Variants in MTMR4 observed in about 807,000 individuals in gnomAD.
MTMR4 encodes the protein phosphatidylinositol-3,5-bisphosphate 3-phosphatase MTMR4.
In MTMR4, 30 loss-of-function variants were observed where a neutral mutation model predicts 125.5. The ratio of observed to expected loss-of-function variants is 0.24; its 90% CI spans 0.18 to 0.32. The LOEUF (loss-of-function observed/expected upper bound fraction) is 0.32. Ranked by LOEUF, MTMR4 falls within the 10% of genes least tolerant of loss-of-function variation. MTMR4 has a pLI of 1.00. For missense variants in MTMR4, 1,039 were observed against 1,511.5 expected (o/e 0.69, Z 5.18); for synonymous variants, 498 against 564.5 (o/e 0.88, Z 1.67).
intron 15 of MTMR4, among the ~76,000 whole-genome samples, chr17:58,493,270 C>A (rs1246260599): frequency 6.6e-6 from 1 of 152,278 alleles, no homozygotes; most frequent in East Asian, 1.9e-4. Flanking sequence ...GCCCACAGGC[C>A]AAACTAGCCC....
chr17:58,491,030 C>T lies in MTMR4; in HGVS notation c.*633G>A, dbSNP rs912434887. 5.2e-5 allele frequency: 8 copies of T among 152,638 alleles called. No homozygotes were observed. Among genetic ancestry groups the T allele is most frequent in the African/African-American group, 1.9e-4 (8 of 41,432 alleles). The allele number at this position is 152,638 out of a possible 1,614,324, so 9.5% of individuals were successfully genotyped here. Reference sequence around the variant, plus strand: ...TGTCTCACTCCCTAGAACTGTTCCCCTAAACTGAATATTCACCAATGCTGG... The same window carrying T: ...TGTCTCACTCCCTAGAACTGTTCCCTTAAACTGAATATTCACCAATGCTGG... On this transcript the variant is annotated 3_prime_UTR_variant, in exon 18 of 18. Coordinates refer to ENST00000682306, the MANE Select transcript of MTMR4 (RefSeq NM_001378067.1).
In MTMR4 at chr17:58,507,159, T is replaced by C. The variant is rs772734478; in HGVS notation, c.868A>G (p.Asn290Asp). The C allele has an allele frequency of 1.2e-6, 2 of 1,614,150 alleles. No homozygotes were observed. Among genetic ancestry groups the C allele is most frequent in the Non-Finnish European group, 1.7e-6 (2 of 1,180,014 alleles). Residue 290 changes from asparagine (N) to aspartate (D), a missense_variant, in exon 8 of 18, where the codon AAT becomes GAT. By Grantham distance (23) the Asn-to-Asp change is conservative. This residue lies in a region of MTMR4 where 49 missense variants were observed against 68.4 expected (regional missense o/e 0.72). Transcript: ENST00000682306. ...RATGGSLSTG[N>D]NDTSEACDAD... Reference sequence around the variant, plus strand: ...TCACACGCCTCGCTGGTATCATTATTCCCGGTGCTGAGGGAGCCCCCAGTG... The same window carrying C: ...TCACACGCCTCGCTGGTATCATTATCCCCGGTGCTGAGGGAGCCCCCAGTG...
rs539051675 is a variant in MTMR4, at chr17:58,490,405, AAAAAACAAAAAC to A, written c.*1246_*1257del. On this transcript the variant is annotated 3_prime_UTR_variant, in exon 18 of 18. Transcript: ENST00000682306. ...TGCCACTGGTACATATTAAGATGAA[AAAAAACAAAAAC>A]AAAAACAAAAAAACAAAATAAAATT... The A allele has an allele frequency of 6.5e-6, 1 of 152,672 alleles. No homozygotes were observed. Among genetic ancestry groups the A allele is most frequent in the Non-Finnish European group, 1.5e-5 (1 of 68,056 alleles). The allele number at this position is 152,672 out of a possible 1,614,324, so 9.5% of individuals were successfully genotyped here. A position where few individuals can be genotyped will look rare whatever the true frequency, so the allele number is the denominator to read the frequency against.
At chr17:58,502,157 A>AT (rs10706856) in intron 14 of MTMR4, among the ~76,000 whole-genome samples, 50 of 118,718 alleles carry the variant, frequency 4.2e-4, no homozygotes, top group Non-Finnish European at 5.0e-4. Flanking sequence ...GTATTTTACA[A>AT]TTTTTTTTTT....
At chr17:58,502,075 CA>C (rs537798994) in intron 14 of MTMR4, among the ~76,000 whole-genome samples, 11 of 134,942 alleles carry the variant, frequency 8.2e-5, no homozygotes, top group Admixed American at 2.9e-4. Context: ...AAAAACAAAA[CA>C]AAAAAAAAAC....
chr17:58,512,894 C>T lies in MTMR4; in HGVS notation c.93G>A (p.Leu31=). ...PSLEYIQAKD[L]FPPKELVKEE... Reference sequence around the variant, plus strand: ...CCTTCACTAGTTCCTTGGGGGGGAACAGATCCTTGGCTTGGATGTACTCCA... The same window carrying T: ...CCTTCACTAGTTCCTTGGGGGGGAATAGATCCTTGGCTTGGATGTACTCCA... Residue 31 remains leucine (L), a synonymous_variant, in exon 2 of 18, where the codon CTG becomes CTA. Coordinates refer to ENST00000682306, the MANE Select transcript of MTMR4 (RefSeq NM_001378067.1). The surrounding 1 kb of genome is among the most constrained non-coding windows in gnomAD (Gnocchi z 4.1). 6.2e-7 allele frequency: 1 copy of T among 1,612,106 alleles called. No homozygotes were observed. The highest frequency in any genetic ancestry group is 1.1e-5 in the South Asian group (1 of 90,924).
chr17:58,506,351 C>A (rs531021701), intron 9 of MTMR4, among the ~76,000 whole-genome samples: 1 of 152,200 alleles, frequency 6.6e-6, no homozygotes, highest in African/African-American at 2.4e-5. Flanking sequence ...TCATGCCCAG[C>A]TAATGGTTTG....
chr17:58,515,536 C>T (rs142609203), upstream of MTMR4, among the ~76,000 whole-genome samples: 1,854 of 152,258 alleles, frequency 0.012, 30 homozygotes, highest in Non-Finnish European at 0.014. Flanking sequence ...ACTTTTCAAG[C>T]CCCAAGAAGT....
Position 58,504,634 on chromosome 17 carries a change from C to T in MTMR4, c.1341+145G>A. 1 of 1,354,088 alleles carries T rather than the reference C, an allele frequency of 7.4e-7. No individual in the cohort carries two copies. The highest frequency in any genetic ancestry group is 1.0e-6 in the Non-Finnish European group (1 of 994,366). 83.9% of individuals were successfully genotyped at this position (1,354,088 alleles called of 1,614,324 possible). On this transcript the variant is annotated intron_variant, in intron 11 of 17. Coordinates refer to ENST00000682306, the MANE Select transcript of MTMR4 (RefSeq NM_001378067.1). The surrounding 1 kb of genome is among the most constrained non-coding windows in gnomAD (Gnocchi z 7.1). ...AAGAGGACTCAAAGCCACCAATTTT[C>T]CAAGCCTTTGGGAGTTGGAAAAAAA...
Position 58,514,464 on chromosome 17 carries a change from AGCCCCGGGCGCCCGCCGCATCCCG to A in MTMR4, c.-81_-58del. 1 of 984,792 alleles carries A rather than the reference AGCCCCGGGCGCCCGCCGCATCCCG, an allele frequency of 1.0e-6. No homozygotes were observed. The highest frequency in any genetic ancestry group is 1.2e-6 in the Non-Finnish European group (1 of 829,660). The allele number at this position is 984,792 out of a possible 1,614,324, so 61.0% of individuals were successfully genotyped here. On this transcript the variant is annotated 5_prime_UTR_variant, in exon 1 of 18. An upstream start codon of the reference 5' UTR is lost. Coordinates refer to ENST00000682306, the MANE Select transcript of MTMR4 (RefSeq NM_001378067.1). ...CCCCGGAGCCGCTGCGCTGCCCGCCAGCCCCGGGCGCCCGCCGCATCCCGGCTGCGGGGCTCGCCAGGTGCAGCC... is the reference window on the plus strand; with the variant it reads ...CCCCGGAGCCGCTGCGCTGCCCGCCAGCTGCGGGGCTCGCCAGGTGCAGCC...
At chr17:58,500,995 G>A (rs940448220) in intron 14 of MTMR4, among the ~76,000 whole-genome samples, 1 of 151,922 alleles carries the variant, frequency 6.6e-6, no homozygotes, top group East Asian at 1.9e-4. Context: ...TTGATTAAAA[G>A]TTATGGCCCC....
Position 58,495,141 on chromosome 17 carries a change from G to A in MTMR4, c.3043C>T (p.Pro1015Ser), listed in dbSNP as rs375510977. Residue 1015 changes from proline to serine, a missense_variant, in exon 15 of 18, where the codon CCT becomes TCT. Transcript: ENST00000682306. ...SSTKPVPLNCPSPVPPLYLDD... is the reference protein window; with the variant it reads ...SSTKPVPLNCSSPVPPLYLDD... The stretch of plus-strand genomic sequence containing the variant: ...AAATACAGAGGAGGCACTGGAGAAG[G>A]GCAGTTCAGTGGAACGGGCTTTGTG... 1.9e-6 allele frequency: 3 copies of A among 1,614,114 alleles called. No homozygotes were observed. The highest frequency in any genetic ancestry group is 1.7e-6 in the Non-Finnish European group (2 of 1,180,048).
Position 58,512,374 on chromosome 17 carries a change from C to A in MTMR4, c.252+16G>T, listed in dbSNP as rs376530367. The A allele has an allele frequency of 1.9e-6, 3 of 1,580,426 alleles. No homozygotes were observed. The highest frequency in any genetic ancestry group is 2.6e-6 in the Non-Finnish European group (3 of 1,149,340). ...GGATTCTAGCTTAGGGGTAGGAGAA[C>A]AATACAGAAACTCACGTTGATGACA... is the stretch of plus-strand genomic sequence containing the variant. On this transcript the variant is annotated intron_variant, in intron 3 of 17. Transcript: ENST00000682306. The surrounding 1 kb of genome is among the most constrained non-coding windows in gnomAD (Gnocchi z 4.1).
intron 7 of MTMR4, 133 bp from the exon 8 acceptor site, chr17:58,507,452 C>A: frequency 2.9e-6 from 2 of 690,376 alleles, no homozygotes; most frequent in Non-Finnish European, 4.8e-6. Context: ...CAACCAAAAG[C>A]CCCAACGTCA....
intron 15 of MTMR4, among the ~76,000 whole-genome samples, chr17:58,494,110 C>G (rs867563448): frequency 1.3e-5 from 2 of 151,634 alleles, no homozygotes; most frequent in African/African-American, 4.8e-5. Flanking sequence ...GTCAGGGGAT[C>G]GAGACCATCC....
In MTMR4 at chr17:58,503,915, A is replaced by G. The variant is rs1336281538; in HGVS notation, c.1699-17T>C. 6.2e-7 allele frequency: 1 copy of G among 1,605,854 alleles called. No homozygotes were observed. Among genetic ancestry groups the G allele is most frequent in the Non-Finnish European group, 8.5e-7 (1 of 1,175,638 alleles). Reference sequence around the variant, plus strand: ...ATGCAGGACCTAGGGAAGCAGCCCAATACTAGTGCTTTGTCAAGAGTTCCT... The same window carrying G: ...ATGCAGGACCTAGGGAAGCAGCCCAGTACTAGTGCTTTGTCAAGAGTTCCT... On this transcript the variant is annotated splice_polypyrimidine_tract_variant and intron_variant, in intron 13 of 17. Transcript: ENST00000682306.
rs1205503883 is a variant in MTMR4 at position 58,511,432 on chromosome 17, A to G, written c.332T>C (p.Val111Ala). Reference sequence around the variant, plus strand: ...AGTGAGGCTCCGTTGTTCTCACCTCACCACTTTGGAGTCCTTGCAGGAAAT... The same window carrying G: ...AGTGAGGCTCCGTTGTTCTCACCTCGCCACTTTGGAGTCCTTGCAGGAAAT... ...LHISCKDSKV[V>A]RCHFSTFKQC... Residue 111 changes from valine (V) to alanine (A), a missense_variant, in exon 4 of 18, where the codon GTG becomes GCG. This residue lies in a region of MTMR4 where 202 missense variants were observed against 311.9 expected (regional missense o/e 0.65). Coordinates refer to ENST00000682306, the MANE Select transcript of MTMR4 (RefSeq NM_001378067.1). The G allele has an allele frequency of 1.2e-5, 20 of 1,611,102 alleles. No individual in the cohort carries two copies. Among genetic ancestry groups the G allele is most frequent in the Admixed American group, 1.7e-5 (1 of 59,490 alleles).
chr17:58,492,949 A>G lies in MTMR4; in HGVS notation c.3256T>C (p.Cys1086Arg). Residue 1086 changes from cysteine to arginine, a missense_variant, in exon 16 of 18, where the codon TGT (cysteine) becomes CGT (arginine). Around this residue, in one of 6 missense-constraint regions of MTMR4, gnomAD observed 619 missense variants for 714.5 expected, o/e 0.87. Transcript: ENST00000682306. Reference protein sequence around the residue: ...PPMDYEDDFTCLKESDGSDTE... With the variant: ...PPMDYEDDFTRLKESDGSDTE... Reference sequence around the variant, plus strand: ...TCACTGCCATCTGACTCCTTCAAACATGTCTGATGAAAAGGCAAAGACAAC... The same window carrying G: ...TCACTGCCATCTGACTCCTTCAAACGTGTCTGATGAAAAGGCAAAGACAAC... 6.2e-7 allele frequency: 1 copy of G among 1,613,502 alleles called. No homozygotes were observed. The highest frequency in any genetic ancestry group is 1.1e-5 in the South Asian group (1 of 91,072).
upstream of MTMR4, among the ~76,000 whole-genome samples, chr17:58,515,681 G>T (rs1057476392): frequency 1.3e-5 from 2 of 152,186 alleles, no homozygotes; most frequent in Admixed American, 1.3e-4. Context: ...TAGCCCAGAA[G>T]AGAAAAAGAG....
Sources: gnomAD v4.1 joint callset for allele counts (sites outside exome capture counted in the v4.1 genomes callset) on GRCh38, gnomAD v4.1.1 for gene constraint, gnomAD v4.1.1 regional missense constraint, Gnocchi (gnomAD v3.1) non-coding constraint, MANE v1.5 for transcripts, NCBI Gene and HGNC (gene_info 2026-07-23, HGNC 2026-07-21) for gene names.